The following UQCRC2 variants were observed in gnomAD, a reference collection of about 807,000 sequenced individuals.
UQCRC2 encodes cytochrome b-c1 complex subunit 2, mitochondrial.
UQCRC2 carries 49 observed loss-of-function variants against 55.6 expected under a neutral mutation model. That is an observed-to-expected ratio of 0.88 (90% CI 0.70 to 1.12). The LOEUF (loss-of-function observed/expected upper bound fraction) is 1.12. Among genes scored for constraint, UQCRC2 ranks in the 50% most tolerant of loss-of-function variants. UQCRC2 has a pLI of 0.00. For synonymous variants in UQCRC2, 193 were observed against 192.0 expected (o/e 1.01, Z -0.04); for missense variants, 506 against 547.8 (o/e 0.92, Z 0.76).
At chr16:21,978,137 G>A (rs765134848) in intron 12 of UQCRC2, among the ~76,000 whole-genome samples, 1 of 152,156 alleles carries the variant, frequency 6.6e-6, no homozygotes, top group Non-Finnish European at 1.5e-5. Context: ...TATGTTTTCT[G>A]CCATTTTGAT....
intron 12 of UQCRC2, among the ~76,000 whole-genome samples, chr16:21,979,945 G>A (rs1265671998): frequency 1.3e-5 from 2 of 152,166 alleles, no homozygotes; most frequent in Non-Finnish European, 1.5e-5. Context: ...CAGTACATGA[G>A]ATAATCAATG....
intron 6 of UQCRC2, 122 bp from the exon 7 acceptor site, chr16:21,965,286 C>A: frequency 1.3e-6 from 1 of 786,628 alleles, no homozygotes; most frequent in Non-Finnish European, 2.1e-6. Context: ...ATTTTAAGTC[C>A]TCTTAACATA....
At chr16:21,962,730 C>T (rs764576605) in intron 5 of UQCRC2, 31 bp from the exon 6 acceptor site, 19 of 1,613,286 alleles carry the variant, frequency 1.2e-5, no homozygotes, top group Non-Finnish European at 1.5e-5. Context: ...ACATTTTTGA[C>T]TCATAATTCT....
intron 6 of UQCRC2, among the ~76,000 whole-genome samples, chr16:21,964,022 C>T (rs1485320988): frequency 1.3e-5 from 2 of 152,102 alleles, no homozygotes; most frequent in Non-Finnish European, 2.9e-5. Flanking sequence ...GCGCCGCTGA[C>T]TCTTGGGAGT....
intron 7 of UQCRC2, among the ~76,000 whole-genome samples, chr16:21,966,087 A>G (rs1356555361): frequency 6.7e-6 from 1 of 149,936 alleles, no homozygotes; most frequent in South Asian, 2.2e-4. Flanking sequence ...GCCAAGACAG[A>G]GGGATCACTT....
At chr16:21,968,522 A>C in intron 7 of UQCRC2, 106 bp from the exon 8 acceptor site, 6 of 921,788 alleles carry the variant, frequency 6.5e-6, no homozygotes, top group East Asian at 2.8e-5. Context: ...ACAGCAACTT[A>C]TAAGGCCTTA....
intron 6 of UQCRC2, among the ~76,000 whole-genome samples, chr16:21,964,901 A>G (rs1898289605): frequency 6.6e-6 from 1 of 152,244 alleles, no homozygotes; most frequent in Admixed American, 6.5e-5. Flanking sequence ...GCAAAAAGGC[A>G]TTGAAGCAAG....
intron 1 of UQCRC2, among the ~76,000 whole-genome samples, chr16:21,953,702 G>A (rs1898048956): frequency 6.6e-6 from 1 of 152,146 alleles, no homozygotes; most frequent in African/African-American, 2.4e-5. Flanking sequence ...GAGTTGAAGC[G>A]AGTCCTTGGA....
At chr16:21,967,592 C>T (rs1898357376) in intron 7 of UQCRC2, among the ~76,000 whole-genome samples, 1 of 152,080 alleles carries the variant, frequency 6.6e-6, no homozygotes, top group Non-Finnish European at 1.5e-5. Flanking sequence ...ATCTTCAGAT[C>T]GCCTGAGTGG....
At chr16:21,983,042 A>G (rs781451912) in intron 13 of UQCRC2, 46 bp from the exon 14 acceptor site, 1 of 1,549,872 alleles carries the variant, frequency 6.5e-7, no homozygotes, top group Non-Finnish European at 8.9e-7. Context: ...TTGATGATAT[A>G]TATTTTTATT....
At position 21,973,896 on chromosome 16, in the gene UQCRC2, G is replaced by GT. The variant is rs1388950881; in HGVS notation, c.970dup (p.Ser324PhefsTer4). On this transcript the variant is annotated frameshift_variant and splice_region_variant, in exon 11 of 14. Coordinates refer to ENST00000268379, the MANE Select transcript of UQCRC2 (RefSeq NM_003366.4). LOFTEE classifies it high-confidence loss of function. ...ACAGTAAAGTCTCATTATCTTTCAG[G>GT]TTTCTGCATTTAATGCCAGTTACTC... The GT allele has an allele frequency of 6.2e-7, 1 of 1,612,308 alleles. No homozygotes were observed. Among genetic ancestry groups the GT allele is most frequent in the Non-Finnish European group, 8.5e-7 (1 of 1,179,308 alleles).
intron 7 of UQCRC2, among the ~76,000 whole-genome samples, chr16:21,967,851 T>A (rs922207531): frequency 1.3e-5 from 2 of 152,174 alleles, no homozygotes; most frequent in Non-Finnish European, 2.9e-5. Flanking sequence ...AAAACTCTGT[T>A]AGCCCTGTTA....
In UQCRC2 at chr16:21,953,557, C is replaced by A; in HGVS notation, c.33+101C>A. 2.1e-6 allele frequency: 3 copies of A among 1,450,968 alleles called. No homozygotes were observed. The South Asian group carries it at 3.9e-5, about 19-fold the overall frequency. The allele number at this position is 1,450,968 out of a possible 1,614,324, so 89.9% of individuals were successfully genotyped here. On this transcript the variant is annotated intron_variant, in intron 1 of 13. Transcript: ENST00000268379. ...GGTCTGGGGTCTGGGCCTTGGGATT[C>A]GGTCTGCCCTTCAGCTGAACCCTGC...
At chr16:21,953,493 A>T in intron 1 of UQCRC2, 37 bp downstream of exon 1, 1 of 1,607,796 alleles carries the variant, frequency 6.2e-7, no homozygotes, top group Non-Finnish European at 8.5e-7. Context: ...AGGGCTGGGG[A>T]GCAGTGTGTC....
At position 21,968,679 on chromosome 16, in the gene UQCRC2, G is replaced by A; in HGVS notation, c.664G>A (p.Gly222Arg). ...CACAAGTGCAAGAATGGCTTTGATT[G>A]GACTTGGTAAGTTTAGAGTATTGCC... The part of the protein sequence containing the change: ...HFTSARMALI[G>R]LGVSHPVLKQ... Residue 222 changes from glycine (G) to arginine (R), a missense_variant, in exon 8 of 14, where the codon GGA becomes AGA. Physicochemically the swap from Gly to Arg is moderately radical, Grantham distance 125 (BLOSUM62 -2). Coordinates refer to ENST00000268379, the MANE Select transcript of UQCRC2 (RefSeq NM_003366.4). 1 of 1,608,562 alleles carries A rather than the reference G, an allele frequency of 6.2e-7. No individual in the cohort carries two copies. The highest frequency in any genetic ancestry group is 8.5e-7 in the Non-Finnish European group (1 of 1,177,214).
chr16:21,968,443 C>T, intron 7 of UQCRC2, 185 bp from the exon 8 acceptor site: 1 of 452,600 alleles, frequency 2.2e-6, no homozygotes. Context: ...GGTTCTAGTT[C>T]TTTTAAGCAA....
At chr16:21,961,644 A>ATATATATG (rs2141930847) in intron 4 of UQCRC2, among the ~76,000 whole-genome samples, 1 of 93,800 alleles carries the variant, frequency 1.1e-5, no homozygotes, top group South Asian at 2.9e-4. Context: ...ATATATATAT[A>ATATATATG]TATATATATA....
chr16:21,970,128 T>A (rs912516735), intron 8 of UQCRC2, among the ~76,000 whole-genome samples: 3 of 152,226 alleles, frequency 2.0e-5, no homozygotes, highest in African/African-American at 7.2e-5. Context: ...CCGTCCATAT[T>A]GTAGCATGTG....
intron 4 of UQCRC2, among the ~76,000 whole-genome samples, chr16:21,961,647 TA>T: frequency 1.0e-5 from 1 of 99,906 alleles, no homozygotes; most frequent in Non-Finnish European, 1.9e-5. Flanking sequence ...TATATATATA[TA>T]TATATATATA....
Sources: gnomAD v4.1 joint callset for allele counts (sites outside exome capture counted in the v4.1 genomes callset) on GRCh38, gnomAD v4.1.1 for gene constraint, MANE v1.5 for transcripts, NCBI Gene and HGNC (gene_info 2026-07-23, HGNC 2026-07-21) for gene names.